Variants in TG observed in about 807,000 individuals in gnomAD.
TG encodes thyroid hormones.
Under a neutral mutation model 324.7 loss-of-function variants are expected in TG, and 270 were observed. That is an observed-to-expected ratio of 0.83 (90% CI 0.75 to 0.92). TG has a LOEUF of 0.92. Ranked by LOEUF, TG falls within the 40% of genes least tolerant of loss-of-function variation. The pLI is 0.00. For synonymous variants in TG, 1,401 were observed against 1,327.0 expected, an observed-to-expected ratio of 1.06 and a Z score of -1.21; for missense variants, 3,591 against 3,456.4, an observed-to-expected ratio of 1.04 and a Z score of -0.98.
chr8:133,129,872 TAC>T (rs1851816794), intron 45 of TG, among the ~76,000 whole-genome samples: 1 of 152,172 alleles, frequency 6.6e-6, no homozygotes, highest in Middle Eastern at 3.2e-3. Flanking sequence ...GATCCACCTA[TAC>T]ACTTAACAGC....
In TG at chr8:133,011,887, G is replaced by A. The variant is rs1198238765; in HGVS notation, c.6263-14G>A. 5 of 1,614,038 alleles carry A rather than the reference G, an allele frequency of 3.1e-6. No individual in the cohort carries two copies. The highest frequency in any genetic ancestry group is 4.2e-6 in the Non-Finnish European group (5 of 1,180,032). On this transcript the variant is annotated splice_polypyrimidine_tract_variant and intron_variant, in intron 35 of 47. Coordinates refer to ENST00000220616, the MANE Select transcript of TG (RefSeq NM_003235.5). ...TGACAACTGCATGTGACTGTCCGTT[G>A]CCTTCTCTCCTAGTGTCTCTGGACT...
At chr8:133,048,283 T>C (rs2739172) in intron 41 of TG, among the ~76,000 whole-genome samples, 23,484 of 152,146 alleles carry the variant, frequency 0.15, 2,656 homozygotes, top group East Asian at 0.52. Flanking sequence ...AACAGTGGCG[T>C]GACCTTGGTT....
intron 40 of TG, among the ~76,000 whole-genome samples, chr8:133,025,396 C>A (rs1315855244): frequency 2.6e-5 from 4 of 152,214 alleles, no homozygotes; most frequent in Non-Finnish European, 5.9e-5. Context: ...TTCCCTCTTT[C>A]ATATTTTTTA....
chr8:133,009,335 A>G (rs988909500), intron 35 of TG, among the ~76,000 whole-genome samples: 20 of 152,130 alleles, frequency 1.3e-4, no homozygotes, highest in African/African-American at 4.6e-4. Context: ...AGGATGCTTA[A>G]GAAAATGAAA....
At chr8:132,960,278 C>T (rs563476215) in intron 27 of TG, among the ~76,000 whole-genome samples, 3 of 152,282 alleles carry the variant, frequency 2.0e-5, no homozygotes, top group South Asian at 2.1e-4. Context: ...GATCATATCT[C>T]GATGTCCCAG....
intron 41 of TG, among the ~76,000 whole-genome samples, chr8:133,070,804 C>T (rs1843891335): frequency 1.3e-5 from 2 of 152,204 alleles, no homozygotes; most frequent in Admixed American, 6.5e-5. Flanking sequence ...CACACTGGCC[C>T]GTGTCTGCAG....
chr8:132,962,888 T>TCTAATCA (rs1827965336), intron 28 of TG, 106 bp from the exon 29 acceptor site: 2 of 1,013,350 alleles, frequency 2.0e-6, no homozygotes, highest in East Asian at 4.8e-5. Context: ...CTAAGTCACC[T>TCTAATCA]GGCTTTAGGG....
At chr8:133,003,306 A>T (rs557917285) in intron 35 of TG, 1 of 152,626 alleles carries the variant, frequency 6.6e-6, no homozygotes, top group Admixed American at 6.5e-5. Context: ...AAAATTTCAA[A>T]TATATTCTAG....
chr8:132,931,884 C>G (rs575701359), intron 23 of TG, among the ~76,000 whole-genome samples: 1 of 151,946 alleles, frequency 6.6e-6, no homozygotes, highest in East Asian at 1.9e-4. Context: ...TGGAGACCAG[C>G]CTGGGCAATG....
chr8:132,986,519 A>G (rs781690951), intron 35 of TG, among the ~76,000 whole-genome samples: 35 of 151,908 alleles, frequency 2.3e-4, no homozygotes, highest in Non-Finnish European at 3.7e-4. Context: ...CTATGTTCCT[A>G]CTCTCACGAT....
At chr8:133,093,649 G>A (rs1332209008) in intron 41 of TG, among the ~76,000 whole-genome samples, 1 of 152,174 alleles carries the variant, frequency 6.6e-6, no homozygotes, top group East Asian at 1.9e-4. Context: ...GCCACTGGCT[G>A]AGATTCTGAC....
chr8:133,096,513 G>A, intron 43 of TG, 140 bp downstream of exon 43: 2 of 1,006,886 alleles, frequency 2.0e-6, no homozygotes, highest in Middle Eastern at 3.1e-4. Context: ...TTTAGGAGGT[G>A]GTAATGGGGG....
chr8:133,039,275 G>A (rs1837707284), intron 41 of TG, among the ~76,000 whole-genome samples: 1 of 152,196 alleles, frequency 6.6e-6, no homozygotes, highest in African/African-American at 2.4e-5. Context: ...TCTTACATTT[G>A]TGGGCTGTGT....
intron 41 of TG, among the ~76,000 whole-genome samples, chr8:133,089,801 C>T (rs1020106494): frequency 1.3e-5 from 2 of 152,140 alleles, no homozygotes; most frequent in African/African-American, 2.4e-5. Flanking sequence ...CAGCCTCTGA[C>T]CCCACTGCCA....
chr8:132,872,311 T>C (rs974682340), intron 4 of TG, among the ~76,000 whole-genome samples: 4 of 151,472 alleles, frequency 2.6e-5, no homozygotes, highest in African/African-American at 7.3e-5. Flanking sequence ...ACCCCGTCTC[T>C]ACTAAAAATA....
chr8:132,887,374 C>T lies in TG; in HGVS notation c.2002C>T (p.Arg668Cys), dbSNP rs776934047. The T allele has an allele frequency of 1.5e-5, 24 of 1,613,988 alleles. No individual in the cohort carries two copies. The East Asian group carries it at 2.7e-4, about 18-fold the overall frequency. ...CPTDCEKQRA[R>C]MQSLMGSQPA... ...CACAGACTGTGAAAAGCAAAGGGCTCGCATGCAAAGCCTCATGGGCAGCCA... is the reference window on the plus strand; with the variant it reads ...CACAGACTGTGAAAAGCAAAGGGCTTGCATGCAAAGCCTCATGGGCAGCCA... Residue 668 changes from arginine to cysteine, a missense_variant, in exon 9 of 48, where the codon CGC becomes TGC. Physicochemically the swap from Arg to Cys is radical, Grantham distance 180. Transcript: ENST00000220616.
intron 35 of TG, among the ~76,000 whole-genome samples, chr8:132,984,570 C>T (rs1831290108): frequency 6.6e-6 from 1 of 152,004 alleles, no homozygotes. Context: ...AGATTTTGGT[C>T]AAAATTGATT....
rs1815559107 is a variant in TG at position 132,887,308 on chromosome 8, C to G, written c.1936C>G (p.Leu646Val). 6.2e-7 allele frequency: 1 copy of G among 1,606,522 alleles called. No homozygotes were observed. The change falls in exon 9 of 48, where the codon CTT becomes GTT. Residue 646 changes from leucine (L) to valine (V), a missense_variant. Coordinates refer to ENST00000220616, the MANE Select transcript of TG (RefSeq NM_003235.5). Reference protein sequence around the residue: ...CWCVNSWGKELPGSRVRGGQP... With the variant: ...CWCVNSWGKEVPGSRVRGGQP... Reference sequence around the variant, plus strand: ...GTGTGTGAATTCCTGGGGCAAAGAGCTTCCAGGCTCAAGAGTCAGAGGTGG... The same window carrying G: ...GTGTGTGAATTCCTGGGGCAAAGAGGTTCCAGGCTCAAGAGTCAGAGGTGG...
chr8:132,993,448 C>G (rs2130782485), intron 35 of TG, among the ~76,000 whole-genome samples: 1 of 152,270 alleles, frequency 6.6e-6, no homozygotes, highest in East Asian at 1.9e-4. Flanking sequence ...TATACCACTT[C>G]AAAGAGGTTG....
Sources: gnomAD v4.1 joint callset for allele counts (sites outside exome capture counted in the v4.1 genomes callset) on GRCh38, gnomAD v4.1.1 for gene constraint, MANE v1.5 for transcripts, NCBI Gene and HGNC (gene_info 2026-07-23, HGNC 2026-07-21) for gene names.